TRPC4: variants seen among roughly 807,000 people sequenced by gnomAD.
TRPC4 encodes the protein short transient receptor potential channel 4.
Under a neutral mutation model 99.4 loss-of-function variants are expected in TRPC4, and 49 were observed. The observed-to-expected ratio is 0.49, with a 90% confidence interval of 0.39 to 0.63. The LOEUF (loss-of-function observed/expected upper bound fraction) is 0.63, where lower values mean the gene tolerates loss of function less well. Among genes scored for constraint, TRPC4 ranks in the 20% least tolerant of loss-of-function variants. TRPC4 has a pLI of 0.00. For synonymous variants in TRPC4, 454 were observed against 425.9 expected (o/e 1.07, Z -0.81); for missense variants, 898 against 1,152.9 (o/e 0.78, Z 3.20).
chr13:37,675,375 AT>A lies in TRPC4; in HGVS notation c.1235-1009del, dbSNP rs530762342. Among the ~76,000 whole-genome samples, 20 of 152,326 alleles carry A rather than the reference AT, an allele frequency of 1.3e-4. No individual in the cohort carries two copies. In the East Asian group the frequency reaches 3.9e-3, roughly 29 times the overall value. ...AGACTTAGCTCACCTGCGGCAGAGT[AT>A]GCAAGGAAGAGACACTGGCACCATC... On this transcript the variant is annotated intron_variant, in intron 4 of 10. Transcript: ENST00000379705.
chr13:37,859,363 A>G (rs1959207120), intron 1 of TRPC4, among the ~76,000 whole-genome samples: 1 of 151,424 alleles, frequency 6.6e-6, no homozygotes, highest in African/African-American at 2.4e-5. Context: ...TCTGAAAGTA[A>G]TGAAAGACAG....
chr13:37,780,830 A>G (rs529490281), intron 2 of TRPC4, among the ~76,000 whole-genome samples: 25 of 152,220 alleles, frequency 1.6e-4, no homozygotes, highest in South Asian at 1.0e-3. Flanking sequence ...TTCAAACAAA[A>G]TAATACAATT....
rs904625742 is a variant in TRPC4 at position 37,674,086 on chromosome 13, A to G, written c.1374+142T>C. The G allele has an allele frequency of 1.2e-5, 9 of 743,522 alleles. No individual in the cohort carries two copies. The Admixed American group carries it at 2.0e-4, about 17-fold the overall frequency. 46.1% of individuals were successfully genotyped at this position (743,522 alleles called of 1,614,324 possible). ...TATTTATGTATTTTTATCCCTATAT[A>G]TCTATCAATAAAACCATGAGCTGAT... On this transcript the variant is annotated intron_variant, in intron 5 of 10. Coordinates refer to ENST00000379705, the MANE Select transcript of TRPC4 (RefSeq NM_016179.4).
intron 1 of TRPC4, among the ~76,000 whole-genome samples, chr13:37,860,272 G>A (rs911840151): frequency 6.6e-6 from 1 of 151,258 alleles, no homozygotes; most frequent in African/African-American, 2.4e-5. Context: ...TTCATATGGT[G>A]AATATTTTTA....
intron 4 of TRPC4, among the ~76,000 whole-genome samples, chr13:37,680,985 A>G (rs2138809407): frequency 6.6e-6 from 1 of 152,346 alleles, no homozygotes; most frequent in Non-Finnish European, 1.5e-5. Flanking sequence ...TAAACTGGAA[A>G]GTCAAATGTG....
In TRPC4 at chr13:37,636,820, C is replaced by CTAA; in HGVS notation, c.*80_*82dup. ...GCTATAAAGTGTAAGTTAGCATTTG[C>CTAA]TAATACAATTTAAACATTTTCCCCC... On this transcript the variant is annotated 3_prime_UTR_variant, in exon 11 of 11. Transcript: ENST00000379705. 1 of 1,503,088 alleles carries CTAA rather than the reference C, an allele frequency of 6.7e-7. No individual in the cohort carries two copies. The highest frequency in any genetic ancestry group is 8.9e-7 in the Non-Finnish European group (1 of 1,123,690). The allele number at this position is 1,503,088 out of a possible 1,614,324, so 93.1% of individuals were successfully genotyped here. A position where few individuals can be genotyped will look rare whatever the true frequency, so the allele number is the denominator to read the frequency against.
chr13:37,748,438 A>T (rs2139175971), intron 2 of TRPC4, among the ~76,000 whole-genome samples: 1 of 152,296 alleles, frequency 6.6e-6, no homozygotes, highest in South Asian at 2.1e-4. Flanking sequence ...ATTTTATTTT[A>T]AAAATAAGTA....
chr13:37,739,952 A>G (rs1955531718), intron 3 of TRPC4, among the ~76,000 whole-genome samples: 1 of 152,168 alleles, frequency 6.6e-6, no homozygotes, highest in African/African-American at 2.4e-5. Flanking sequence ...AGTAATGGAG[A>G]AAAACAAAAG....
chr13:37,810,948 A>G (rs777940809), intron 1 of TRPC4, among the ~76,000 whole-genome samples: 15 of 151,992 alleles, frequency 9.9e-5, no homozygotes, highest in Admixed American at 5.9e-4. Context: ...AATATTCTAC[A>G]TATTATCTCA....
At chr13:37,795,164 T>C (rs1331113379) in intron 1 of TRPC4, among the ~76,000 whole-genome samples, 1 of 150,624 alleles carries the variant, frequency 6.6e-6, no homozygotes, top group Non-Finnish European at 1.5e-5. Flanking sequence ...AATACAGTTT[T>C]ACAAATTCAC....
chr13:37,679,866 G>T (rs1157690573), intron 4 of TRPC4, among the ~76,000 whole-genome samples: 2 of 152,184 alleles, frequency 1.3e-5, no homozygotes. Context: ...TTTAGAGCTG[G>T]TGGGAAACTT....
intron 3 of TRPC4, among the ~76,000 whole-genome samples, chr13:37,739,168 T>C (rs1439563209): frequency 6.6e-6 from 1 of 152,144 alleles, no homozygotes; most frequent in Non-Finnish European, 1.5e-5. Flanking sequence ...TAACTAATTT[T>C]AACCTGGGTA....
At chr13:37,805,537 G>A (rs1181093612) in intron 1 of TRPC4, among the ~76,000 whole-genome samples, 1 of 151,926 alleles carries the variant, frequency 6.6e-6, no homozygotes, top group East Asian at 1.9e-4. Flanking sequence ...ACTTCAGAAG[G>A]CCCAATGTCT....
At chr13:37,713,752 T>A (rs1954565303) in intron 3 of TRPC4, among the ~76,000 whole-genome samples, 1 of 152,188 alleles carries the variant, frequency 6.6e-6, no homozygotes, top group Non-Finnish European at 1.5e-5. Flanking sequence ...TGCAGTTTAG[T>A]TTTTATTCTA....
chr13:37,639,115 G>T lies in TRPC4; in HGVS notation c.2136C>A (p.Asn712Lys). 3.1e-6 allele frequency: 5 copies of T among 1,613,568 alleles called. No homozygotes were observed. The highest frequency in any genetic ancestry group is 4.2e-6 in the Non-Finnish European group (5 of 1,179,622). The change falls in exon 10 of 11, where the codon AAC becomes AAA. Residue 712 changes from asparagine (N) to lysine (K), a missense_variant. Physicochemically the swap from Asn to Lys is moderately conservative, Grantham distance 94. Around this residue, in one of 3 missense-constraint regions of TRPC4, gnomAD observed 346 missense variants for 351.4 expected, o/e 0.98. Transcript: ENST00000379705. Reference protein sequence around the residue: ...RHHQYQEVMRNLVKRYVAAMI... With the variant: ...RHHQYQEVMRKLVKRYVAAMI... ...TTGCAGCAACGTATCGCTTCACCAG[G>T]TTCCTCATAACTTCCTGAGGCATTT...
chr13:37,846,770 CT>C (rs1457461825), intron 1 of TRPC4, among the ~76,000 whole-genome samples: 1 of 151,906 alleles, frequency 6.6e-6, no homozygotes, highest in Non-Finnish European at 1.5e-5. Context: ...CATAGATTGG[CT>C]GAATGGATTA....
chr13:37,739,390 G>A (rs999023518), intron 3 of TRPC4, among the ~76,000 whole-genome samples: 2 of 151,990 alleles, frequency 1.3e-5, no homozygotes, highest in Non-Finnish European at 2.9e-5. Flanking sequence ...CAGTTATGAC[G>A]GGGAACACCA....
intron 4 of TRPC4, among the ~76,000 whole-genome samples, chr13:37,677,580 A>G (rs948341036): frequency 6.6e-6 from 1 of 152,208 alleles, no homozygotes; most frequent in African/African-American, 2.4e-5. Flanking sequence ...TAACATAAAG[A>G]TAAAAAGGCG....
At chr13:37,817,931 C>T (rs1373413916) in intron 1 of TRPC4, among the ~76,000 whole-genome samples, 1 of 151,856 alleles carries the variant, frequency 6.6e-6, no homozygotes, top group Non-Finnish European at 1.5e-5. Context: ...ACTGTAAAAA[C>T]CCTGGAAGAC....
Sources: allele counts gnomAD v4.1 joint callset (sites outside exome capture counted in the v4.1 genomes callset), GRCh38; gene constraint gnomAD v4.1.1; regional missense constraint gnomAD v4.1.1; transcripts MANE v1.5; gene names NCBI Gene and HGNC (gene_info 2026-07-23, HGNC 2026-07-21).